The following SATB2 variants were observed in gnomAD, a reference collection of about 807,000 sequenced individuals.
The protein encoded by SATB2 is SATB homeobox 2.
Under a neutral mutation model 73.4 loss-of-function variants are expected in SATB2, and 1 was observed. The observed-to-expected ratio is 0.01, with a 90% CI of 0.00 to 0.06. The LOEUF (loss-of-function observed/expected upper bound fraction) is 0.06. Ranked by LOEUF, SATB2 falls within the 10% of genes least tolerant of loss-of-function variation. The pLI, the probability that SATB2 is intolerant of heterozygous loss-of-function variation, is 1.00. For synonymous variants in SATB2, 397 were observed against 367.0 expected (o/e 1.08, Z -0.93); for missense variants, 459 against 945.8 (o/e 0.49, Z 6.75).
chr2:199,431,655 C>T (rs766541116), intron 3 of SATB2, among the ~76,000 whole-genome samples: 1 of 152,166 alleles, frequency 6.6e-6, no homozygotes, highest in Non-Finnish European at 1.5e-5. Flanking sequence ...GAGTAGAATT[C>T]TTAGTCCAAA....
At chr2:199,284,305 C>T (rs957830853) in intron 10 of SATB2, among the ~76,000 whole-genome samples, 1 of 152,090 alleles carries the variant, frequency 6.6e-6, no homozygotes, top group African/African-American at 2.4e-5. Flanking sequence ...TTTCCAAATG[C>T]ATGCATGATG....
chr2:199,381,028 CACTT>C (rs948338884), intron 4 of SATB2, among the ~76,000 whole-genome samples: 1 of 152,170 alleles, frequency 6.6e-6, no homozygotes, highest in African/African-American at 2.4e-5. Flanking sequence ...AAATTCAAAA[CACTT>C]ACACTAAAGG....
chr2:199,435,378 C>A (rs9646754), intron 2 of SATB2, among the ~76,000 whole-genome samples: 2 of 144,976 alleles, frequency 1.4e-5, no homozygotes, highest in Non-Finnish European at 3.0e-5. Flanking sequence ...TTTTTTTTCT[C>A]GCTCTTGTTG....
chr2:199,334,873 C>T (rs535559343), intron 7 of SATB2, among the ~76,000 whole-genome samples: 3 of 152,210 alleles, frequency 2.0e-5, no homozygotes, highest in Admixed American at 2.0e-4. Flanking sequence ...TCTCTCCTAA[C>T]CTCCAGTCTC....
chr2:199,316,149 T>A (rs1687730270), intron 9 of SATB2, among the ~76,000 whole-genome samples: 1 of 152,120 alleles, frequency 6.6e-6, no homozygotes, highest in Non-Finnish European at 1.5e-5. Context: ...CTTTTGTAAC[T>A]GTGAAAGGAT....
intron 3 of SATB2, among the ~76,000 whole-genome samples, chr2:199,382,988 T>C (rs1386154072): frequency 6.6e-6 from 1 of 152,072 alleles, no homozygotes; most frequent in Non-Finnish European, 1.5e-5. Flanking sequence ...ATTCCAGCAA[T>C]AGGAAATGGA....
intron 7 of SATB2, among the ~76,000 whole-genome samples, chr2:199,338,603 T>C (rs1243386722): frequency 4.6e-5 from 7 of 151,880 alleles, no homozygotes; most frequent in African/African-American, 1.7e-4. Context: ...TTTAAGAACT[T>C]TGCACATTGG....
intron 3 of SATB2, among the ~76,000 whole-genome samples, chr2:199,422,107 T>C (rs1318375735): frequency 6.6e-6 from 1 of 152,118 alleles, no homozygotes; most frequent in Non-Finnish European, 1.5e-5. Context: ...AAATTAATAA[T>C]ATAGACTATG....
chr2:199,328,946 AT>A, intron 7 of SATB2, 36 bp from the exon 8 acceptor site: 2 of 1,525,852 alleles, frequency 1.3e-6, no homozygotes, highest in South Asian at 2.3e-5. Flanking sequence ...ACCAAGTCAC[AT>A]TTGCAGGTAT....
intron 2 of SATB2, among the ~76,000 whole-genome samples, chr2:199,442,586 A>G (rs1029027354): frequency 6.6e-6 from 1 of 152,184 alleles, no homozygotes; most frequent in Non-Finnish European, 1.5e-5. Context: ...AAAAAATGTT[A>G]TAAGGACAAA....
chr2:199,316,024 T>C (rs955428538), intron 9 of SATB2, among the ~76,000 whole-genome samples: 2 of 152,030 alleles, frequency 1.3e-5, no homozygotes, highest in African/African-American at 2.4e-5. Context: ...ATACAGAAAA[T>C]GTCAGCATAT....
intron 10 of SATB2, among the ~76,000 whole-genome samples, chr2:199,282,097 GGT>G (rs1302540288): frequency 1.3e-5 from 2 of 151,998 alleles, no homozygotes; most frequent in African/African-American, 4.8e-5. Flanking sequence ...TAGCCAGGAT[GGT>G]CTCGATCTCC....
chr2:199,390,050 G>C (rs894105188), intron 3 of SATB2, among the ~76,000 whole-genome samples: 1 of 151,488 alleles, frequency 6.6e-6, no homozygotes, highest in Non-Finnish European at 1.5e-5. Flanking sequence ...TTTAATATAA[G>C]CACTAAGTAA....
intron 10 of SATB2, among the ~76,000 whole-genome samples, chr2:199,289,709 T>A (rs1559144225): frequency 6.6e-6 from 1 of 152,164 alleles, no homozygotes; most frequent in South Asian, 2.1e-4. Context: ...AATTAATCGT[T>A]AACGCTCTTG....
At chr2:199,334,406 T>C (rs907559076) in intron 7 of SATB2, among the ~76,000 whole-genome samples, 2 of 152,206 alleles carry the variant, frequency 1.3e-5, no homozygotes, top group South Asian at 2.1e-4. Context: ...CTTTAAACAA[T>C]TGGTGTCATA....
At chr2:199,456,401 G>T (rs575113069) in intron 1 of SATB2, among the ~76,000 whole-genome samples, 1 of 152,384 alleles carries the variant, frequency 6.6e-6, no homozygotes, top group South Asian at 2.1e-4. Context: ...TTGGGACGGG[G>T]TTGGCATAAA....
intron 10 of SATB2, among the ~76,000 whole-genome samples, chr2:199,299,277 A>T (rs1321364210): frequency 6.6e-6 from 1 of 152,220 alleles, no homozygotes; most frequent in Non-Finnish European, 1.5e-5. Flanking sequence ...TAATCAACAG[A>T]TGCCATTCTT....
intron 9 of SATB2, among the ~76,000 whole-genome samples, chr2:199,320,764 ACT>A (rs1288743462): frequency 6.6e-6 from 1 of 151,782 alleles, no homozygotes; most frequent in Non-Finnish European, 1.5e-5. Context: ...CACCATTCCT[ACT>A]CTCTCTAAAA....
In SATB2 at chr2:199,464,421, ACG is replaced by A. The variant is rs200662001; in HGVS notation, c.-141+413_-141+414del. 8.9e-5 allele frequency among the ~76,000 whole-genome samples: 13 copies of A among 146,760 alleles called. No homozygotes were observed. Among genetic ancestry groups the A allele is most frequent in the African/African-American group, 2.7e-4 (10 of 37,308 alleles). ...CACATACACCCCCACCACCATTTCC[ACG>A]CGCGCGCGCGCACACACACACACAC... On this transcript the variant is annotated intron_variant, in intron 1 of 11. Transcript: ENST00000260926. This position sits in a 1 kb window ranked among gnomAD's most constrained non-coding sequence, Gnocchi z 6.6.
Sources: gnomAD v4.1 joint callset for allele counts (sites outside exome capture counted in the v4.1 genomes callset) on GRCh38, gnomAD v4.1.1 for gene constraint, Gnocchi (gnomAD v3.1) non-coding constraint, MANE v1.5 for transcripts, NCBI Gene and HGNC (gene_info 2026-07-23, HGNC 2026-07-21) for gene names.